Variants in ATP10A observed in about 807,000 individuals in gnomAD.
ATP10A encodes ATPase phospholipid transporting 10A (putative), also known as phospholipid-transporting ATPase VA.
In ATP10A, 111 loss-of-function variants were observed where a neutral mutation model predicts 147.8. The observed-to-expected ratio is 0.75, with a 90% CI of 0.64 to 0.88. The LOEUF (loss-of-function observed/expected upper bound fraction) is 0.88. ATP10A is among the 40% of genes least tolerant of loss of function. ATP10A has a pLI of 0.00. For synonymous variants in ATP10A, 875 were observed against 841.6 expected (o/e 1.04, Z -0.69); for missense variants, 1,927 against 1,959.0 (o/e 0.98, Z 0.31).
downstream of ATP10A, chr15:25,678,289 C>T (rs960211457): frequency 2.0e-5 from 3 of 152,062 alleles, no homozygotes; most frequent in Non-Finnish European, 4.4e-5. Context: ...AAGACAGCAT[C>T]CAAAGAGGCC....
At chr15:25,708,658 G>T in intron 10 of ATP10A, 1 of 186,226 alleles carries the variant, frequency 5.4e-6, no homozygotes, top group Non-Finnish European at 1.1e-5. Flanking sequence ...GTTGAAATAA[G>T]CTCATGAAAA....
chr15:25,730,244 G>A (rs1283612780), intron 3 of ATP10A, among the ~76,000 whole-genome samples: 1 of 151,368 alleles, frequency 6.6e-6, no homozygotes, highest in Admixed American at 6.6e-5. Context: ...GGAGGTTGCA[G>A]TGAGCCAAGA....
At chr15:25,677,207 C>A (rs2140263685), downstream of ATP10A, 1 of 152,310 alleles carries the variant, frequency 6.6e-6, no homozygotes, top group South Asian at 2.1e-4. Context: ...ACCTATTTCA[C>A]CTACTGCTTT....
chr15:25,812,277 C>T (rs537047181), intron 1 of ATP10A, among the ~76,000 whole-genome samples: 2 of 152,194 alleles, frequency 1.3e-5, no homozygotes, highest in Non-Finnish European at 2.9e-5. Context: ...GAACCTCTCA[C>T]TCAGATCCTC....
Position 25,736,070 on chromosome 15 carries a change from C to A in ATP10A, c.726G>T (p.Arg242Ser), listed in dbSNP as rs779229060. The A allele has an allele frequency of 1.9e-6, 3 of 1,613,776 alleles. No individual in the cohort carries two copies. The highest frequency in any genetic ancestry group is 3.3e-5 in the Admixed American group (2 of 60,030). ...ACGATACTCACATGCAGCCGCGAAA[C>A]CTACTCAGGTCGTTGTTTGGCTTCT... ...ECEKPNNDLS[R>S]FRGCIIHDNG... is the part of the protein sequence containing the mutation. The change falls in exon 3 of 21, where the codon AGG becomes AGT. Residue 242 changes from arginine to serine, a missense_variant. Transcript: ENST00000555815.
At chr15:25,822,512 G>A (rs556679323) in intron 1 of ATP10A, among the ~76,000 whole-genome samples, 4 of 152,120 alleles carry the variant, frequency 2.6e-5, no homozygotes, top group East Asian at 1.9e-4. Context: ...TTTGCCTATC[G>A]CACAATAAGG....
intron 1 of ATP10A, among the ~76,000 whole-genome samples, chr15:25,848,139 T>C (rs12442754): frequency 4.3e-5 from 6 of 140,708 alleles, no homozygotes; most frequent in African/African-American, 1.3e-4. Context: ...TTTTTTTTTT[T>C]AATCATCTGT....
At chr15:25,760,202 T>C (rs1376394586) in intron 2 of ATP10A, among the ~76,000 whole-genome samples, 1 of 152,200 alleles carries the variant, frequency 6.6e-6, no homozygotes, top group Non-Finnish European at 1.5e-5. Context: ...TAAAAGGAAC[T>C]GTAAAACAAA....
intron 10 of ATP10A, among the ~76,000 whole-genome samples, chr15:25,711,258 C>T (rs1486843102): frequency 1.3e-5 from 2 of 152,092 alleles, no homozygotes; most frequent in African/African-American, 2.4e-5. Context: ...AAGAGGGCAT[C>T]AGATTAAGTC....
In ATP10A at chr15:25,680,802, G is replaced by C. The variant is rs1416773995; in HGVS notation, c.3678+8C>G. 6.2e-7 allele frequency: 1 copy of C among 1,609,488 alleles called. No individual in the cohort carries two copies. The highest frequency in any genetic ancestry group is 1.1e-5 in the South Asian group (1 of 90,940). ...CTTCTGAGACGTGGCCATGCAGGCG[G>C]CTCTTACCCAGGTTTTGGTTTCAAT... is the stretch of plus-strand genomic sequence containing the variant. On this transcript the variant is annotated splice_region_variant and intron_variant, in intron 19 of 20. Transcript: ENST00000555815.
chr15:25,781,842 C>T (rs61991470), intron 1 of ATP10A, among the ~76,000 whole-genome samples: 153 of 152,190 alleles, frequency 1.0e-3, no homozygotes, highest in Middle Eastern at 3.4e-3. Flanking sequence ...CACAGCTTAA[C>T]GGCAAGAGGC....
intron 1 of ATP10A, among the ~76,000 whole-genome samples, chr15:25,832,676 A>C (rs920610949): frequency 2.6e-5 from 4 of 152,180 alleles, no homozygotes; most frequent in African/African-American, 9.7e-5. Context: ...TTCTGCCCAA[A>C]GAAAGGAAAT....
At chr15:25,852,226 C>T (rs1211769693) in intron 1 of ATP10A, among the ~76,000 whole-genome samples, 2 of 151,774 alleles carry the variant, frequency 1.3e-5, no homozygotes, top group Non-Finnish European at 2.9e-5. Flanking sequence ...TCTATCCTCC[C>T]TCCTGTTAAG....
At chr15:25,813,546 C>T (rs59043678) in intron 1 of ATP10A, among the ~76,000 whole-genome samples, 25,730 of 152,072 alleles carry the variant, frequency 0.17, 2,203 homozygotes, top group South Asian at 0.22. Context: ...TACAACAAAG[C>T]ATCAATCAAT....
chr15:25,772,686 G>A (rs1294816699), intron 2 of ATP10A, among the ~76,000 whole-genome samples: 1 of 152,212 alleles, frequency 6.6e-6, no homozygotes, highest in Non-Finnish European at 1.5e-5. Context: ...AGTTGTGACA[G>A]GTGAGTGGAA....
Position 25,751,892 on chromosome 15 carries a change from GC to G in ATP10A, c.655-15752del, listed in dbSNP as rs201754735. Among the ~76,000 whole-genome samples, 155 of 152,090 alleles carry G rather than the reference GC, an allele frequency of 1.0e-3. 1 individual carries two copies. In the East Asian group the frequency reaches 0.026, roughly 25 times the overall value. On this transcript the variant is annotated intron_variant, in intron 2 of 20. Transcript: ENST00000555815. Reference sequence around the variant, plus strand: ...TTGCTTAGAAGAAGACATACAAATGGCCAAAAGACATATGAAAAAATGCTCA... The same window carrying G: ...TTGCTTAGAAGAAGACATACAAATGGCAAAAGACATATGAAAAAATGCTCA...
At chr15:25,676,348 G>A (rs578038211), downstream of ATP10A, among the ~76,000 whole-genome samples, 19 of 152,302 alleles carry the variant, frequency 1.2e-4, no homozygotes, top group East Asian at 1.9e-4. Context: ...ACCTCTCCCC[G>A]CGCCTCCCTG....
chr15:25,681,855 C>T (rs1596674436), intron 17 of ATP10A, among the ~76,000 whole-genome samples: 2 of 152,222 alleles, frequency 1.3e-5, no homozygotes, highest in Admixed American at 1.3e-4. Context: ...AGATCGAGAC[C>T]ATCCTGGTTA....
At chr15:25,680,046 C>T in intron 20 of ATP10A, 72 bp from the exon 21 acceptor site, 3 of 1,587,326 alleles carry the variant, frequency 1.9e-6, no homozygotes, top group Non-Finnish European at 2.6e-6. Context: ...CAGAGACCCA[C>T]ATAGAGCAGA....
Sources: gnomAD v4.1 joint callset for allele counts (sites outside exome capture counted in the v4.1 genomes callset) on GRCh38, gnomAD v4.1.1 for gene constraint, MANE v1.5 for transcripts, NCBI Gene and HGNC (gene_info 2026-07-23, HGNC 2026-07-21) for gene names.